Variants in GABRG3 observed in about 807,000 individuals in gnomAD.
GABRG3 encodes the protein gamma-aminobutyric acid receptor subunit gamma-3.
A neutral mutation model predicts 48.8 loss-of-function variants in GABRG3; 25 were observed. That is an observed-to-expected ratio of 0.51 (90% confidence interval 0.37 to 0.72). GABRG3 has a LOEUF of 0.72. GABRG3 is among the 30% of genes least tolerant of loss of function. The pLI is 0.00. For missense variants in GABRG3, 394 were observed against 577.9 expected, an observed-to-expected ratio of 0.68 and a Z score of 3.26; for synonymous variants, 227 against 217.6, an observed-to-expected ratio of 1.04 and a Z score of -0.38.
At chr15:27,103,551 C>A (rs547803597) in intron 3 of GABRG3, among the ~76,000 whole-genome samples, 2 of 152,254 alleles carry the variant, frequency 1.3e-5, no homozygotes, top group South Asian at 4.2e-4. Flanking sequence ...TACCAAAGCT[C>A]GGTTAGGGAG....
At chr15:27,169,785 CAAAG>C (rs1887503538) in intron 3 of GABRG3, among the ~76,000 whole-genome samples, 2 of 151,816 alleles carry the variant, frequency 1.3e-5, no homozygotes, top group South Asian at 2.1e-4. Flanking sequence ...TACTGAAAGA[CAAAG>C]AAAAAAATCC....
intron 5 of GABRG3, among the ~76,000 whole-genome samples, chr15:27,396,072 A>AG (rs945814654): frequency 3.0e-4 from 45 of 152,232 alleles, no homozygotes; most frequent in African/African-American, 1.1e-3. Flanking sequence ...ACATTTGCCC[A>AG]GGCTGGTCTC....
At chr15:27,003,021 C>A (rs1166697465) in intron 2 of GABRG3, among the ~76,000 whole-genome samples, 1 of 151,456 alleles carries the variant, frequency 6.6e-6, no homozygotes, top group Non-Finnish European at 1.5e-5. Context: ...AAACCATATG[C>A]CCCTATCCAG....
At chr15:27,229,651 A>G (rs1163040749) in intron 3 of GABRG3, among the ~76,000 whole-genome samples, 1 of 151,986 alleles carries the variant, frequency 6.6e-6, no homozygotes, top group African/African-American at 2.4e-5. Context: ...TAATTTTTGC[A>G]TTTTTAGTAG....
At chr15:27,338,602 C>A (rs1894057693) in intron 5 of GABRG3, among the ~76,000 whole-genome samples, 1 of 152,136 alleles carries the variant, frequency 6.6e-6, no homozygotes, top group Admixed American at 6.5e-5. Flanking sequence ...GCAGGAGGAC[C>A]ATGCTCCTAG....
chr15:27,236,358 C>T lies in GABRG3; in HGVS notation c.271-90451C>T, dbSNP rs1224998855. Among the ~76,000 whole-genome samples, 1 of 152,126 alleles carries T rather than the reference C, an allele frequency of 6.6e-6. No individual in the cohort carries two copies. Among genetic ancestry groups the T allele is most frequent in the East Asian group, 1.9e-4 (1 of 5,176 alleles). ...GCATCAAATGCTAAGGTCCCCAGCC[C>T]ACTGAATGGACCCCCTGACCCACTG... On this transcript the variant is annotated intron_variant, in intron 3 of 9. Coordinates refer to ENST00000615808, the MANE Select transcript of GABRG3 (RefSeq NM_033223.5). This position sits in a 1 kb window ranked among gnomAD's most constrained non-coding sequence, Gnocchi z 4.4.
At chr15:26,993,783 G>A (rs1233394752) in intron 2 of GABRG3, among the ~76,000 whole-genome samples, 1 of 151,970 alleles carries the variant, frequency 6.6e-6, no homozygotes, top group Non-Finnish European at 1.5e-5. Flanking sequence ...GATCTTTCAA[G>A]TGTTGAAAGT....
At chr15:27,276,396 A>G (rs746419039) in intron 3 of GABRG3, among the ~76,000 whole-genome samples, 17 of 152,192 alleles carry the variant, frequency 1.1e-4, no homozygotes, top group Admixed American at 1.1e-3. Flanking sequence ...TGTTTGCTGC[A>G]GAGGTTTCCC....
intron 5 of GABRG3, among the ~76,000 whole-genome samples, chr15:27,384,245 G>A (rs1265231687): frequency 6.6e-6 from 1 of 152,196 alleles, no homozygotes; most frequent in East Asian, 1.9e-4. Flanking sequence ...GCAGTGAGAA[G>A]ATGGCTCAGG....
intron 5 of GABRG3, among the ~76,000 whole-genome samples, chr15:27,359,366 C>T (rs1472379259): frequency 2.0e-5 from 3 of 152,190 alleles, no homozygotes; most frequent in Non-Finnish European, 4.4e-5. Flanking sequence ...TTCTATGTCC[C>T]TCTTTTTTGT....
intron 6 of GABRG3, among the ~76,000 whole-genome samples, chr15:27,505,690 T>C (rs1194565230): frequency 2.0e-5 from 3 of 152,202 alleles, no homozygotes; most frequent in Non-Finnish European, 4.4e-5. Flanking sequence ...CTGTTGGTGA[T>C]TTTTGTGTCT....
At chr15:27,341,091 T>C (rs1894160059) in intron 5 of GABRG3, 2 of 376,718 alleles carry the variant, frequency 5.3e-6, no homozygotes, top group South Asian at 2.2e-5. Flanking sequence ...TCAGCAACTC[T>C]TCCGAGTATT....
At chr15:27,438,029 G>A (rs1424843541) in intron 5 of GABRG3, among the ~76,000 whole-genome samples, 3 of 152,132 alleles carry the variant, frequency 2.0e-5, no homozygotes, top group Admixed American at 6.5e-5. Context: ...CAACCCAAAC[G>A]CCTTCCAGCA....
intron 2 of GABRG3, among the ~76,000 whole-genome samples, chr15:26,995,579 A>T (rs1385483489): frequency 6.7e-6 from 1 of 150,090 alleles, no homozygotes; most frequent in Non-Finnish European, 1.5e-5. Flanking sequence ...CTAGTAGAAG[A>T]TTTTGGTTTA....
chr15:27,525,922 T>C (rs1977452), intron 7 of GABRG3, among the ~76,000 whole-genome samples: 96,204 of 151,982 alleles, frequency 0.63, 31,859 homozygotes, highest in African/African-American at 0.84. Flanking sequence ...AATAAACATG[T>C]ACATTCTGCA....
intron 3 of GABRG3, among the ~76,000 whole-genome samples, chr15:27,270,160 A>G (rs1891036477): frequency 2.6e-5 from 4 of 152,186 alleles, no homozygotes; most frequent in Admixed American, 2.6e-4. Flanking sequence ...ATAATAATAC[A>G]ACTCTTAGAA....
intron 3 of GABRG3, among the ~76,000 whole-genome samples, chr15:27,154,655 A>T (rs967951066): frequency 5.9e-5 from 9 of 152,210 alleles, no homozygotes; most frequent in Non-Finnish European, 8.8e-5. Flanking sequence ...TGAATATTGC[A>T]TCAGCCAGGA....
At chr15:27,473,332 A>G (rs1041071164) in intron 5 of GABRG3, among the ~76,000 whole-genome samples, 1 of 152,118 alleles carries the variant, frequency 6.6e-6, no homozygotes, top group Non-Finnish European at 1.5e-5. Flanking sequence ...GAAACTATGG[A>G]AAAGGGGAGA....
At position 27,540,116 on chromosome 15, in the gene GABRG3, T is replaced by G. The variant is rs934737061; in HGVS notation, c.*7235T>G. Reference sequence around the variant, plus strand: ...GTTTCATTAGAGTTTAAACATTAAGTATACAGATCCTACTCCAAAATTTTG... The same window carrying G: ...GTTTCATTAGAGTTTAAACATTAAGGATACAGATCCTACTCCAAAATTTTG... On this transcript the variant is annotated 3_prime_UTR_variant, in exon 10 of 10. Transcript: ENST00000615808. 1 of 152,332 alleles carries G rather than the reference T, an allele frequency of 6.6e-6. No individual in the cohort carries two copies. The highest frequency in any genetic ancestry group is 2.1e-4 in the South Asian group (1 of 4,828). The allele number at this position is 152,332 out of a possible 1,614,324, so 9.4% of individuals were successfully genotyped here. A position where few individuals can be genotyped will look rare whatever the true frequency, so the allele number is the denominator to read the frequency against.
Sources: gnomAD v4.1 joint callset for allele counts (sites outside exome capture counted in the v4.1 genomes callset) on GRCh38, gnomAD v4.1.1 for gene constraint, Gnocchi (gnomAD v3.1) non-coding constraint, MANE v1.5 for transcripts, NCBI Gene and HGNC (gene_info 2026-07-23, HGNC 2026-07-21) for gene names.